The following DIAPH2 variants were observed in gnomAD, a reference collection of about 807,000 sequenced individuals.
DIAPH2 encodes diaphanous related formin 2.
In DIAPH2, 35 loss-of-function variants were observed where a neutral mutation model predicts 92.7. That is an observed-to-expected ratio of 0.38 (90% CI 0.29 to 0.50). The LOEUF is 0.50. Among genes scored for constraint, DIAPH2 ranks in the 20% least tolerant of loss-of-function variants. The pLI is 0.94. For missense variants in DIAPH2, 701 were observed against 819.5 expected (o/e 0.86, Z 1.77); for synonymous variants, 301 against 280.4 (o/e 1.07, Z -0.73).
chrX:97,232,421 G>A (rs1271976886), intron 22 of DIAPH2, among the ~76,000 whole-genome samples: 4 of 111,183 alleles, frequency 3.6e-5, no homozygotes, highest in African/African-American at 6.5e-5. Flanking sequence ...TTTTAGTAGC[G>A]ACGGGATTTC....
intron 21 of DIAPH2, among the ~76,000 whole-genome samples, chrX:97,119,773 C>T (rs2067042194): frequency 1.8e-5 from 2 of 111,231 alleles, no homozygotes; most frequent in Admixed American, 1.9e-4. Flanking sequence ...TGTGTACCTA[C>T]CGTGGATTAT....
intron 1 of DIAPH2, among the ~76,000 whole-genome samples, chrX:96,723,916 A>ATTTTTTTTTTTTTTTTTT (rs149595440): frequency 1.4e-5 from 1 of 71,300 alleles, no homozygotes; most frequent in Non-Finnish European, 2.5e-5. Context: ...TGATTCTATA[A>ATTTTTTTTTTTTTTTTTT]TTTTTTTTTT....
intron 1 of DIAPH2, among the ~76,000 whole-genome samples, chrX:96,693,299 A>G (rs1198686681): frequency 8.9e-6 from 1 of 112,103 alleles, no homozygotes; most frequent in Non-Finnish European, 1.9e-5. Context: ...TTTCCTCAAA[A>G]CAGATAGATG....
intron 17 of DIAPH2, among the ~76,000 whole-genome samples, chrX:97,045,850 T>C (rs2066479472): frequency 1.1e-4 from 5 of 44,440 alleles, no homozygotes; most frequent in African/African-American, 2.8e-4. Context: ...ATTTTAGGAT[T>C]TTTTTTTTTT....
chrX:97,240,479 G>A (rs1015204819), intron 22 of DIAPH2, among the ~76,000 whole-genome samples: 10 of 109,752 alleles, frequency 9.1e-5, no homozygotes, highest in Non-Finnish European at 1.5e-4. Context: ...GGTGGCGGGC[G>A]CCTGTAGTCC....
intron 26 of DIAPH2, chrX:97,528,889 A>T (rs2071041605): frequency 9.0e-6 from 1 of 110,986 alleles, no homozygotes; most frequent in Non-Finnish European, 1.9e-5. Context: ...CTTGGCCAAC[A>T]TGGTGAAACC....
intron 19 of DIAPH2, among the ~76,000 whole-genome samples, chrX:97,084,173 G>C (rs12391270): frequency 1.9e-3 from 215 of 110,861 alleles, no homozygotes; most frequent in Middle Eastern, 0.014. Flanking sequence ...TCTCTGAAGT[G>C]AAGAGAGCTG....
At chrX:96,686,193 C>T (rs776422632) in intron 1 of DIAPH2, among the ~76,000 whole-genome samples, 13 of 112,024 alleles carry the variant, frequency 1.2e-4, no homozygotes, top group Non-Finnish European at 2.1e-4. Context: ...TAACTACCAA[C>T]TTGATTATAA....
intron 26 of DIAPH2, among the ~76,000 whole-genome samples, chrX:97,559,935 G>A (rs1291287478): frequency 9.0e-6 from 1 of 111,613 alleles, no homozygotes; most frequent in East Asian, 2.8e-4. Context: ...CTTGTATGGG[G>A]TTAGAGGAGC....
chrX:97,579,878 C>A (rs2071426260), intron 26 of DIAPH2, among the ~76,000 whole-genome samples: 1 of 109,272 alleles, frequency 9.2e-6, no homozygotes, highest in African/African-American at 3.3e-5. Context: ...TGAAGAGGTC[C>A]TTCACATCCC....
chrX:97,227,463 T>G (rs905733873), intron 22 of DIAPH2, among the ~76,000 whole-genome samples: 1 of 112,288 alleles, frequency 8.9e-6, no homozygotes, highest in Admixed American at 9.5e-5. Flanking sequence ...ACTCCTACTT[T>G]GTGCAACACA....
chrX:97,402,598 G>C (rs1448982181), intron 25 of DIAPH2, among the ~76,000 whole-genome samples: 1 of 111,352 alleles, frequency 9.0e-6, no homozygotes, highest in Non-Finnish European at 1.9e-5. Flanking sequence ...TTAGAGGAAA[G>C]GAAATCTGAA....
chrX:96,998,912 GT>G lies in DIAPH2; in HGVS notation c.2050+33708del, dbSNP rs760864455. Among the ~76,000 whole-genome samples the G allele has an allele frequency of 4.5e-5, 5 of 112,303 alleles. No individual in the cohort carries two copies. In the East Asian group the frequency reaches 1.4e-3, roughly 31 times the overall value. On this transcript the variant is annotated intron_variant, in intron 17 of 26. Coordinates refer to ENST00000324765, the MANE Select transcript of DIAPH2 (RefSeq NM_006729.5). Reference sequence around the variant, plus strand: ...ACAATTGAGTTAATAATTGTAAAATGTTTAAAATGGTACCTGCTGCATATTA... The same window carrying G: ...ACAATTGAGTTAATAATTGTAAAATGTTAAAATGGTACCTGCTGCATATTA...
chrX:97,450,101 G>A (rs1024479339), intron 26 of DIAPH2, among the ~76,000 whole-genome samples: 8 of 110,695 alleles, frequency 7.2e-5, no homozygotes, highest in Admixed American at 2.9e-4. Flanking sequence ...ACTTTTATGC[G>A]ATTCTTCAAA....
At chrX:96,722,640 G>A (rs1246188819) in intron 1 of DIAPH2, among the ~76,000 whole-genome samples, 2 of 111,870 alleles carry the variant, frequency 1.8e-5, no homozygotes, top group Non-Finnish European at 3.8e-5. Context: ...CCAATATACA[G>A]AGGCCATCTT....
At chrX:97,151,957 A>C (rs927810198) in intron 22 of DIAPH2, among the ~76,000 whole-genome samples, 1 of 111,638 alleles carries the variant, frequency 9.0e-6, no homozygotes, top group African/African-American at 3.3e-5. Context: ...ACAAATGAAG[A>C]AAGAACTAGC....
At chrX:97,545,630 T>G (rs2071176095) in intron 26 of DIAPH2, among the ~76,000 whole-genome samples, 1 of 108,070 alleles carries the variant, frequency 9.3e-6, no homozygotes, top group African/African-American at 3.4e-5. Context: ...TTCATTATTC[T>G]GCATAATATG....
At chrX:96,892,696 C>T (rs1359864829) in intron 5 of DIAPH2, among the ~76,000 whole-genome samples, 3 of 111,572 alleles carry the variant, frequency 2.7e-5, no homozygotes, top group Non-Finnish European at 5.7e-5. Flanking sequence ...AGCAAATACT[C>T]GAGTTTTTGA....
chrX:96,884,906 A>G (rs1266246102), intron 5 of DIAPH2: 5 of 1,208,949 alleles, frequency 4.1e-6, no homozygotes, highest in African/African-American at 1.8e-5. Context: ...AGTCACCGCA[A>G]TTTCATCCAG....
Sources: gnomAD v4.1 joint callset for allele counts (sites outside exome capture counted in the v4.1 genomes callset) on GRCh38, gnomAD v4.1.1 for gene constraint, MANE v1.5 for transcripts, NCBI Gene and HGNC (gene_info 2026-07-23, HGNC 2026-07-21) for gene names.